STK3: variants seen among roughly 807,000 people sequenced by gnomAD.
The protein encoded by STK3 is serine/threonine-protein kinase 3.
A neutral mutation model predicts 58.0 loss-of-function variants in STK3; 41 were observed. The observed-to-expected ratio is 0.71, with a 90% CI of 0.55 to 0.92. STK3 has a LOEUF of 0.92. STK3 is among the 40% of genes least tolerant of loss of function. The pLI, the probability that STK3 is intolerant of heterozygous loss-of-function variation, is 0.00. For synonymous variants in STK3, 170 were observed against 191.0 expected (o/e 0.89, Z 0.91); for missense variants, 479 against 602.7 (o/e 0.79, Z 2.15).
At chr8:98,884,627 T>C (rs575361059) in intron 1 of STK3, among the ~76,000 whole-genome samples, 1 of 152,208 alleles carries the variant, frequency 6.6e-6, no homozygotes, top group African/African-American at 2.4e-5. Context: ...GCCCCCAAGA[T>C]GACAGCATTA....
chr8:98,914,319 G>A (rs951626991), intron 1 of STK3, among the ~76,000 whole-genome samples: 12 of 152,102 alleles, frequency 7.9e-5, no homozygotes, highest in South Asian at 6.2e-4. Context: ...TGGGAGGATC[G>A]CTCACTCGAG....
intron 3 of STK3, among the ~76,000 whole-genome samples, chr8:98,870,767 AAAAT>A (rs1670929011): frequency 6.6e-6 from 1 of 152,148 alleles, no homozygotes; most frequent in African/African-American, 2.4e-5. Flanking sequence ...GGTAGATTTA[AAAAT>A]TTTTCTCCCA....
chr8:98,902,006 C>A (rs1838675177), intron 1 of STK3, among the ~76,000 whole-genome samples: 2 of 152,176 alleles, frequency 1.3e-5, no homozygotes, highest in South Asian at 4.1e-4. Context: ...AGGAAGTCTC[C>A]AGAAACATTC....
chr8:98,897,015 G>T (rs1356497204), intron 1 of STK3, among the ~76,000 whole-genome samples: 1 of 87,378 alleles, frequency 1.1e-5, no homozygotes, highest in African/African-American at 2.9e-5. Context: ...TAAAAGAAAA[G>T]AAAGAGAAAG....
At chr8:98,610,725 T>C (rs1817129204) in intron 6 of STK3, among the ~76,000 whole-genome samples, 1 of 152,196 alleles carries the variant, frequency 6.6e-6, no homozygotes, top group Non-Finnish European at 1.5e-5. Context: ...GAGGGAAAAC[T>C]ATGGGCTCTA....
intron 10 of STK3, among the ~76,000 whole-genome samples, chr8:98,493,835 T>C (rs1822903097): frequency 6.6e-6 from 1 of 152,214 alleles, no homozygotes; most frequent in Admixed American, 6.5e-5. Flanking sequence ...TTCCTTAAAT[T>C]GAATGGATCC....
At chr8:98,640,990 T>C (rs907034583) in intron 6 of STK3, among the ~76,000 whole-genome samples, 2 of 151,072 alleles carry the variant, frequency 1.3e-5, no homozygotes, top group African/African-American at 4.8e-5. Flanking sequence ...TAGTAATATG[T>C]ATTTATATAG....
At chr8:98,399,761 C>A (rs1038631978), downstream of STK3, among the ~76,000 whole-genome samples, 11 of 152,302 alleles carry the variant, frequency 7.2e-5, no homozygotes, top group African/African-American at 2.6e-4. Context: ...AGAGCAAGAA[C>A]TGGCCACTAT....
At chr8:98,520,416 A>G (rs1308318971) in intron 10 of STK3, among the ~76,000 whole-genome samples, 1 of 152,162 alleles carries the variant, frequency 6.6e-6, no homozygotes, top group African/African-American at 2.4e-5. Context: ...CACAAATTCT[A>G]TTGCATACAG....
At chr8:98,850,735 G>T (rs1010919013) in intron 3 of STK3, among the ~76,000 whole-genome samples, 1 of 152,192 alleles carries the variant, frequency 6.6e-6, no homozygotes, top group Non-Finnish European at 1.5e-5. Flanking sequence ...CAAGAATGAG[G>T]CTGGTGAGGA....
intron 1 of STK3, among the ~76,000 whole-genome samples, chr8:98,902,604 T>C (rs1838699176): frequency 6.6e-6 from 1 of 152,254 alleles, no homozygotes; most frequent in South Asian, 2.1e-4. Flanking sequence ...GTCTTCCCAC[T>C]GTCACCGTCC....
At chr8:98,748,323 G>C (rs532147100) in intron 4 of STK3, among the ~76,000 whole-genome samples, 3 of 152,168 alleles carry the variant, frequency 2.0e-5, no homozygotes, top group Admixed American at 2.0e-4. Flanking sequence ...ATCATTAGCA[G>C]AATGTCACAG....
At chr8:98,622,349 T>C (rs577015193) in intron 6 of STK3, among the ~76,000 whole-genome samples, 1 of 152,158 alleles carries the variant, frequency 6.6e-6, no homozygotes, top group South Asian at 2.1e-4. Flanking sequence ...AAATACTAAA[T>C]AGGATTAGTT....
chr8:98,524,871 C>T (rs1412510331), intron 10 of STK3, among the ~76,000 whole-genome samples: 1 of 152,166 alleles, frequency 6.6e-6, no homozygotes, highest in Non-Finnish European at 1.5e-5. Flanking sequence ...CTTAGATAAA[C>T]CTAGACAAAC....
At chr8:98,505,307 C>T (rs540245352) in intron 10 of STK3, among the ~76,000 whole-genome samples, 111 of 152,220 alleles carry the variant, frequency 7.3e-4, no homozygotes, top group South Asian at 3.7e-3. Flanking sequence ...TTTTTCAACG[C>T]TTTTAGCTTC....
chr8:98,927,534 T>C (rs746355950), intron 1 of STK3, among the ~76,000 whole-genome samples: 7 of 152,246 alleles, frequency 4.6e-5, no homozygotes, highest in Non-Finnish European at 8.8e-5. Flanking sequence ...ACAGTTTAAA[T>C]GCTTCAGATG....
intron 1 of STK3, among the ~76,000 whole-genome samples, chr8:98,931,017 T>C (rs1839985600): frequency 6.6e-6 from 1 of 152,184 alleles, no homozygotes; most frequent in Admixed American, 6.5e-5. Flanking sequence ...AACCCACAGC[T>C]TCTGTCTGAC....
chr8:98,371,968 C>G (rs1029730112), intron 2 of STK3, among the ~76,000 whole-genome samples: 9 of 152,136 alleles, frequency 5.9e-5, no homozygotes, highest in African/African-American at 1.9e-4. Context: ...TAAAGTCATA[C>G]TGAGTGGGAT....
chr8:98,560,843 G>A (rs1003546314), intron 8 of STK3, among the ~76,000 whole-genome samples: 1 of 151,930 alleles, frequency 6.6e-6, no homozygotes, highest in African/African-American at 2.4e-5. Context: ...GACCGGCCTG[G>A]GCAACACAGC....
Sources: gnomAD v4.1 joint callset for allele counts (sites outside exome capture counted in the v4.1 genomes callset) on GRCh38, gnomAD v4.1.1 for gene constraint, MANE v1.5 for transcripts, NCBI Gene and HGNC (gene_info 2026-07-23, HGNC 2026-07-21) for gene names.